The following TARM1 variants were observed in gnomAD, a reference collection of about 807,000 sequenced individuals.
The protein encoded by TARM1 is T cell-interacting, activating receptor on myeloid cells 1, also known as T-cell-interacting, activating receptor on myeloid cells protein 1.
A neutral mutation model predicts 30.4 loss-of-function variants in TARM1; 24 were observed. That is an observed-to-expected ratio of 0.79 (90% CI 0.57 to 1.11). TARM1 has a LOEUF of 1.11. TARM1 is among the 50% of genes least tolerant of loss of function. The probability of loss-of-function intolerance (pLI) is 0.00; values close to 1 mark genes in which losing one functional copy is unlikely to be tolerated. For synonymous variants in TARM1, 129 were observed against 138.9 expected, an observed-to-expected ratio of 0.93 and a Z score of 0.50; for missense variants, 323 against 332.8, an observed-to-expected ratio of 0.97 and a Z score of 0.23.
Position 54,073,795 on chromosome 19 carries a change from A to C in TARM1, c.658+125T>G. 2.4e-6 allele frequency: 3 copies of C among 1,274,124 alleles called. No homozygotes were observed. In the Admixed American group the frequency reaches 7.1e-5, roughly 30 times the overall value. 78.9% of individuals were successfully genotyped at this position (1,274,124 alleles called of 1,614,324 possible). A position where few individuals can be genotyped will look rare whatever the true frequency, so the allele number is the denominator to read the frequency against. On this transcript the variant is annotated intron_variant, in intron 4 of 4. Transcript: ENST00000432826. ...GGCATGAGCCACCACGCCAGGCCAG[A>C]AAGGGAAGATTTTGTTAAGAGCGAT...
chr19:54,073,628 G>A (rs1318098294), intron 4 of TARM1, among the ~76,000 whole-genome samples: 2 of 151,572 alleles, frequency 1.3e-5, no homozygotes, highest in Non-Finnish European at 2.9e-5. Context: ...CAAGTAGCTG[G>A]GTCTACAGGT....
At chr19:54,080,046 A>AAGGAAGGAAGGAAGGAAGGAAGGG (rs1568511191) in intron 1 of TARM1, among the ~76,000 whole-genome samples, 1 of 138,884 alleles carries the variant, frequency 7.2e-6, no homozygotes, top group South Asian at 2.5e-4. Context: ...GGAAGGAAGG[A>AAGGAAGGAAGGAAGGAAGGAAGGG]AGGGAAAGAG....
intron 1 of TARM1, among the ~76,000 whole-genome samples, chr19:54,077,515 C>T (rs1342040736): frequency 6.6e-6 from 1 of 152,018 alleles, no homozygotes; most frequent in Non-Finnish European, 1.5e-5. Context: ...TCCTCTTTTT[C>T]CCCTGTGTGA....
In TARM1 at chr19:54,074,945, G is replaced by C; in HGVS notation, c.240C>G (p.Ala80=). Residue 80 remains alanine (A), a synonymous_variant, in exon 3 of 5, where the codon GCC becomes GCG. Coordinates refer to ENST00000432826, the MANE Select transcript of TARM1 (RefSeq NM_001135686.3). ...CTTTTAGATTATTGAGGTGAAATTC[G>C]GCCGCGCCCTCTGTAGAATCAAGGG... ...PKPLDSTEGA[A]EFHLNNLKVR... 6.4e-7 allele frequency: 1 copy of C among 1,551,456 alleles called. No homozygotes were observed. The highest frequency in any genetic ancestry group is 8.7e-7 in the Non-Finnish European group (1 of 1,146,944).
intron 1 of TARM1, among the ~76,000 whole-genome samples, chr19:54,079,108 A>C (rs2072031903): frequency 6.6e-6 from 1 of 150,796 alleles, no homozygotes; most frequent in African/African-American, 2.4e-5. Context: ...AAAAAAAAAA[A>C]AAAAACTTAG....
chr19:54,074,322 T>TCAGGAATCTC, intron 3 of TARM1, 106 bp from the exon 4 acceptor site: 2 of 1,077,070 alleles, frequency 1.9e-6, no homozygotes, highest in Non-Finnish European at 2.6e-6. Context: ...AAATGAGAGA[T>TCAGGAATCTC]TCCTGATCTC....
intron 3 of TARM1, 23 bp downstream of exon 3, chr19:54,074,800 CA>C (rs1201680431): frequency 1.3e-6 from 2 of 1,546,288 alleles, no homozygotes; most frequent in African/African-American, 2.7e-5. Flanking sequence ...CCCCGTATGT[CA>C]TTGGCAGGCA....
Position 54,075,212 on chromosome 19 carries a change from G to A in TARM1, c.71-98C>T, listed in dbSNP as rs1034725710. 7.6e-6 allele frequency: 8 copies of A among 1,058,268 alleles called. 1 individual carries two copies. The African/African-American group carries it at 1.1e-4, about 15-fold the overall frequency. The allele number at this position is 1,058,268 out of a possible 1,614,324, so 65.6% of individuals were successfully genotyped here. ...TTATTATTATTATTATTTTGAGATGGAGTCTCCCTCTGTTGCCCAGGCTAG... is the reference window on the plus strand; with the variant it reads ...TTATTATTATTATTATTTTGAGATGAAGTCTCCCTCTGTTGCCCAGGCTAG... On this transcript the variant is annotated intron_variant, in intron 2 of 4. Transcript: ENST00000432826.
intron 1 of TARM1, among the ~76,000 whole-genome samples, chr19:54,079,274 A>AC (rs1448603019): frequency 6.6e-6 from 1 of 151,396 alleles, no homozygotes; most frequent in African/African-American, 2.4e-5. Flanking sequence ...CGAAAAAAAA[A>AC]AAAAAAAAAG....
intron 4 of TARM1, among the ~76,000 whole-genome samples, chr19:54,072,133 G>A (rs1479481447): frequency 1.3e-5 from 2 of 152,062 alleles, no homozygotes; most frequent in Admixed American, 6.6e-5. Flanking sequence ...AGGTTTCATT[G>A]AGCCGAGATC....
At chr19:54,070,230 TCTGA>T in intron 4 of TARM1, 70 bp from the exon 5 acceptor site, 1 of 1,499,192 alleles carries the variant, frequency 6.7e-7, no homozygotes, top group Non-Finnish European at 8.9e-7. Context: ...CCCCACCAAA[TCTGA>T]CTATCATCAC....
In TARM1 at chr19:54,081,355, C is replaced by T. The variant is rs766376121; in HGVS notation, c.-15G>A. 1.3e-6 allele frequency: 2 copies of T among 1,531,208 alleles called. No individual in the cohort carries two copies. The highest frequency in any genetic ancestry group is 2.5e-5 in the South Asian group (2 of 80,874). 94.9% of individuals were successfully genotyped at this position (1,531,208 alleles called of 1,614,324 possible). The stretch of plus-strand genomic sequence containing the variant: ...TTAGGGATCATGATGGCTCCTTAGC[C>T]CTCCCAGAGTCCGTCTTGGGTTCTG... On this transcript the variant is annotated 5_prime_UTR_variant, in exon 1 of 5. Transcript: ENST00000432826.
chr19:54,074,803 TGGCA>T lies in TARM1; in HGVS notation c.361+17_361+20del, dbSNP rs772525684. 3.9e-6 allele frequency: 6 copies of T among 1,547,020 alleles called. No homozygotes were observed. The South Asian group carries it at 7.2e-5, about 18-fold the overall frequency. On this transcript the variant is annotated intron_variant, in intron 3 of 4. Transcript: ENST00000432826. ...TCATCCCCTGTCCCCCGTATGTCAT[TGGCA>T]GGCACCCTGTCTGTACCTGTCACCA...
chr19:54,079,849 C>CA (rs587632398), intron 1 of TARM1, among the ~76,000 whole-genome samples: 3 of 151,526 alleles, frequency 2.0e-5, no homozygotes, highest in African/African-American at 7.3e-5. Context: ...CTAAAAAGTA[C>CA]AAAAAATCAG....
At position 54,080,975 on chromosome 19, in the gene TARM1, A is replaced by AAAAAT. The variant is rs587629983; in HGVS notation, c.34+327_34+331dup. 5.3e-4 allele frequency among the ~76,000 whole-genome samples: 80 copies of AAAAAT among 152,204 alleles called. 1 individual carries two copies. The South Asian group carries it at 9.8e-3, about 19-fold the overall frequency. ...CAACAAGAGCAAAACCCTGTCTCAA[A>AAAAAT]AAAATAAAATAAAATAAAATAAAAT... On this transcript the variant is annotated intron_variant, in intron 1 of 4. Transcript: ENST00000432826.
rs144123210 is a variant in TARM1, at chr19:54,076,962, C to T, written c.35-1044G>A. Among the ~76,000 whole-genome samples, 117 of 152,278 alleles carry T rather than the reference C, an allele frequency of 7.7e-4. 1 individual carries two copies. Among genetic ancestry groups the T allele is most frequent in the African/African-American group, 2.6e-3 (108 of 41,560 alleles). ...TATTGTTTGGTGTCCTGTAACAAGCCTCAAAACATCCAAATGGTCATTCCA... is the reference window on the plus strand; with the variant it reads ...TATTGTTTGGTGTCCTGTAACAAGCTTCAAAACATCCAAATGGTCATTCCA... On this transcript the variant is annotated intron_variant, in intron 1 of 4. Transcript: ENST00000432826.
intron 4 of TARM1, among the ~76,000 whole-genome samples, chr19:54,073,488 T>TTTTGTTA (rs2071864448): frequency 6.6e-6 from 1 of 151,346 alleles, no homozygotes. Flanking sequence ...TTGTTTTTGT[T>TTTTGTTA]TTTGTTTTTT....
In TARM1 at chr19:54,074,978, G is replaced by C. The variant is rs587751623; in HGVS notation, c.207C>G (p.Ser69=). 1.3e-6 allele frequency: 2 copies of C among 1,551,430 alleles called. No homozygotes were observed. The highest frequency in any genetic ancestry group is 2.7e-5 in the African/African-American group (2 of 73,078). Residue 69 remains serine, a synonymous_variant, in exon 3 of 5, where the codon TCC becomes TCG. Coordinates refer to ENST00000432826, the MANE Select transcript of TARM1 (RefSeq NM_001135686.3). The part of the protein sequence containing the change: ...VLRKGGIILE[S]PKPLDSTEGA... ...CCTCTGTAGAATCAAGGGGCTTCGG[G>C]GACTCCAGAATAATTCCTCCCTTCC...
At chr19:54,075,264 T>C in intron 2 of TARM1, 150 bp from the exon 3 acceptor site, 1 of 674,048 alleles carries the variant, frequency 1.5e-6, no homozygotes, top group Non-Finnish European at 2.3e-6. Flanking sequence ...CTCAGTTCAC[T>C]GCAACCTCCG....
Sources: allele counts gnomAD v4.1 joint callset (sites outside exome capture counted in the v4.1 genomes callset), GRCh38; gene constraint gnomAD v4.1.1; transcripts MANE v1.5; gene names NCBI Gene and HGNC (gene_info 2026-07-23, HGNC 2026-07-21).